The following NUDT3 variants were observed in gnomAD, a reference collection of about 807,000 sequenced individuals.
The protein encoded by NUDT3 is nudix hydrolase 3, also known as diphosphoinositol polyphosphate phosphohydrolase 1.
Under a neutral mutation model 23.6 loss-of-function variants are expected in NUDT3, and 9 were observed. The ratio of observed to expected loss-of-function variants is 0.38; its 90% CI spans 0.23 to 0.66. NUDT3 has a LOEUF of 0.66. Among genes scored for constraint, NUDT3 ranks in the 30% least tolerant of loss-of-function variants. NUDT3 has a pLI of 0.52. For synonymous variants in NUDT3, 86 were observed against 82.6 expected (o/e 1.04, Z -0.22); for missense variants, 172 against 218.5 (o/e 0.79, Z 1.34).
intron 2 of NUDT3, among the ~76,000 whole-genome samples, chr6:34,307,344 C>T (rs1463494096): frequency 3.3e-5 from 5 of 152,058 alleles, no homozygotes; most frequent in South Asian, 4.2e-4. Flanking sequence ...TTTTGGAGGT[C>T]GAGGCAAGAC....
intron 1 of NUDT3, among the ~76,000 whole-genome samples, chr6:34,346,811 C>T (rs1396216623): frequency 6.6e-6 from 1 of 152,114 alleles, no homozygotes; most frequent in Non-Finnish European, 1.5e-5. Context: ...GCTGAAGCGC[C>T]GTGGCAGGAT....
At chr6:34,365,334 C>T (rs552663460) in intron 1 of NUDT3, among the ~76,000 whole-genome samples, 1 of 152,128 alleles carries the variant, frequency 6.6e-6, no homozygotes, top group East Asian at 1.9e-4. Context: ...GAGACTGAGG[C>T]AGGAGAATCA....
At chr6:34,315,327 A>T (rs1297911932) in intron 2 of NUDT3, among the ~76,000 whole-genome samples, 2 of 152,252 alleles carry the variant, frequency 1.3e-5, no homozygotes, top group Non-Finnish European at 2.9e-5. Flanking sequence ...ACTTTGCCAA[A>T]TACCACTACA....
intron 2 of NUDT3, among the ~76,000 whole-genome samples, chr6:34,340,399 T>C (rs927022127): frequency 6.6e-6 from 1 of 152,246 alleles, no homozygotes; most frequent in African/African-American, 2.4e-5. Flanking sequence ...GAACCTCATA[T>C]TCCCCTCCCC....
At position 34,295,663 on chromosome 6, in the gene NUDT3, C is replaced by T; in HGVS notation, c.233G>A (p.Gly78Glu). 6.2e-7 allele frequency: 1 copy of T among 1,613,946 alleles called. No individual in the cohort carries two copies. Among genetic ancestry groups the T allele is most frequent in the African/African-American group, 1.3e-5 (1 of 75,020 alleles). ...TACCTCAAAAATTCCAACTAATCTT[C>T]CCAATGTCCCTTTTACTCCAGCCTA... ...CEEAGVKGTL[G>E]RLVGIFENQE... The change falls in exon 3 of 5, where the codon GGA (glycine) becomes GAA (glutamate). Residue 78 changes from glycine to glutamate, a missense_variant. By Grantham distance (98) the Gly-to-Glu change is moderately conservative. Around this residue, in one of 3 missense-constraint regions of NUDT3, gnomAD observed 59 missense variants for 107.4 expected, o/e 0.55. Transcript: ENST00000607016.
At chr6:34,322,756 T>G (rs6924682) in intron 2 of NUDT3, among the ~76,000 whole-genome samples, 17,901 of 152,242 alleles carry the variant, frequency 0.12, 1,840 homozygotes, top group East Asian at 0.45. Flanking sequence ...ACAAATTTCT[T>G]TAGATGTGAC....
chr6:34,376,901 C>G (rs1008106639), intron 1 of NUDT3, among the ~76,000 whole-genome samples: 3 of 152,100 alleles, frequency 2.0e-5, no homozygotes, highest in African/African-American at 7.2e-5. Context: ...AATACCCTGC[C>G]ACACCACTAT....
At chr6:34,320,039 T>C (rs1218609171) in intron 2 of NUDT3, among the ~76,000 whole-genome samples, 1 of 152,208 alleles carries the variant, frequency 6.6e-6, no homozygotes, top group Non-Finnish European at 1.5e-5. Context: ...GAGAAACTTC[T>C]GTCTCCTTTT....
rs923123942 is a variant in NUDT3, at chr6:34,298,399, G to A, written c.211-2714C>T. ...AAATAACTTCAAAACACAAAATTTCGTTTAATAATAGTAACCTCTGCTTTC... is the reference window on the plus strand; with the variant it reads ...AAATAACTTCAAAACACAAAATTTCATTTAATAATAGTAACCTCTGCTTTC... On this transcript the variant is annotated intron_variant, in intron 2 of 4. Transcript: ENST00000607016. 4.6e-5 allele frequency among the ~76,000 whole-genome samples: 7 copies of A among 151,966 alleles called. No individual in the cohort carries two copies. The South Asian group carries it at 1.0e-3, about 22-fold the overall frequency.
chr6:34,314,553 T>C (rs1763830172), intron 2 of NUDT3, among the ~76,000 whole-genome samples: 1 of 146,624 alleles, frequency 6.8e-6, no homozygotes. Context: ...AGTGAGACTC[T>C]GTCTCAAAAA....
intron 3 of NUDT3, among the ~76,000 whole-genome samples, chr6:34,294,038 A>G (rs937210487): frequency 4.6e-5 from 7 of 152,150 alleles, no homozygotes; most frequent in African/African-American, 1.7e-4. Context: ...CCTACGGTAG[A>G]GCGCAGTGGC....
intron 1 of NUDT3, among the ~76,000 whole-genome samples, chr6:34,356,574 C>G (rs1764564428): frequency 6.6e-6 from 1 of 151,984 alleles, no homozygotes; most frequent in African/African-American, 2.4e-5. Context: ...CAGCAACAGA[C>G]TAGAATATCA....
intron 1 of NUDT3, 50 bp downstream of exon 1, chr6:34,392,214 G>T: frequency 6.8e-7 from 1 of 1,466,688 alleles, no homozygotes; most frequent in East Asian, 2.6e-5. Flanking sequence ...GCCTCCACCC[G>T]AAGGGGCCGG....
At chr6:34,364,532 C>T (rs776578670) in intron 1 of NUDT3, among the ~76,000 whole-genome samples, 5 of 152,100 alleles carry the variant, frequency 3.3e-5, no homozygotes, top group Non-Finnish European at 5.9e-5. Context: ...ACAACAACAA[C>T]GGAACAAATC....
At chr6:34,326,937 G>A (rs939379037) in intron 2 of NUDT3, among the ~76,000 whole-genome samples, 3 of 152,118 alleles carry the variant, frequency 2.0e-5, no homozygotes, top group African/African-American at 7.2e-5. Flanking sequence ...CGTGTGTGGA[G>A]ACGAGAGAGA....
chr6:34,381,275 C>T (rs949453003), intron 1 of NUDT3, among the ~76,000 whole-genome samples: 4 of 152,076 alleles, frequency 2.6e-5, no homozygotes, highest in African/African-American at 9.7e-5. Flanking sequence ...ACTCGGCTTC[C>T]CAAAGGGCTA....
At chr6:34,361,539 A>T (rs1012886844) in intron 1 of NUDT3, among the ~76,000 whole-genome samples, 1 of 152,220 alleles carries the variant, frequency 6.6e-6, no homozygotes, top group African/African-American at 2.4e-5. Context: ...TACCCCAAAA[A>T]GTCAGAAACT....
intron 2 of NUDT3, among the ~76,000 whole-genome samples, chr6:34,339,872 CT>C (rs1205713611): frequency 1.3e-5 from 2 of 152,176 alleles, no homozygotes; most frequent in African/African-American, 4.8e-5. Flanking sequence ...TTTATCTTCT[CT>C]TATTGGCCAT....
rs182856159 is a variant in NUDT3 at position 34,286,409 on chromosome 6, T to G, written c.*2344A>C. The G allele has an allele frequency of 7.9e-5, 12 of 152,332 alleles. No individual in the cohort carries two copies. Among genetic ancestry groups the G allele is most frequent in the Admixed American group, 7.8e-4 (12 of 15,298 alleles). 9.4% of individuals were successfully genotyped at this position (152,332 alleles called of 1,614,324 possible). On this transcript the variant is annotated 3_prime_UTR_variant, in exon 5 of 5. Coordinates refer to ENST00000607016, the MANE Select transcript of NUDT3 (RefSeq NM_006703.4). ...CAGTCCCTTTTTAAAGAGTACTGAC[T>G]GTTTTCCTGCAAAGTACTTTCAAAT...
Sources: allele counts gnomAD v4.1 joint callset (sites outside exome capture counted in the v4.1 genomes callset), GRCh38; gene constraint gnomAD v4.1.1; regional missense constraint gnomAD v4.1.1; transcripts MANE v1.5; gene names NCBI Gene and HGNC (gene_info 2026-07-23, HGNC 2026-07-21).